The following THSD7B variants were observed in gnomAD, a reference collection of about 807,000 sequenced individuals.
THSD7B encodes the protein thrombospondin type 1 domain containing 7B, also known as thrombospondin type-1 domain-containing protein 7B.
In THSD7B, 138 loss-of-function variants were observed where a neutral mutation model predicts 213.6. That is an observed-to-expected ratio of 0.65 (90% CI 0.56 to 0.74). The LOEUF (loss-of-function observed/expected upper bound fraction) is 0.74, where lower values mean the gene tolerates loss of function less well. Among genes scored for constraint, THSD7B ranks in the 30% least tolerant of loss-of-function variants. THSD7B has a pLI of 0.00. For synonymous variants in THSD7B, 742 were observed against 687.0 expected (o/e 1.08, Z -1.25); for missense variants, 1,931 against 1,991.5 (o/e 0.97, Z 0.58).
chr2:136,872,235 C>T (rs187234531), intron 1 of THSD7B, among the ~76,000 whole-genome samples: 73 of 152,246 alleles, frequency 4.8e-4, no homozygotes, highest in Admixed American at 9.8e-4. Context: ...GTGATGGTGT[C>T]TGAGCCTCAG....
intron 1 of THSD7B, among the ~76,000 whole-genome samples, chr2:136,876,521 A>C (rs1342191721): frequency 6.6e-6 from 1 of 152,222 alleles, no homozygotes. Flanking sequence ...GCCTGGCTTC[A>C]GTCCACCATT....
chr2:137,549,678 A>G (rs74348601), intron 15 of THSD7B, among the ~76,000 whole-genome samples: 17,475 of 150,672 alleles, frequency 0.12, 1,913 homozygotes, highest in African/African-American at 0.28. Flanking sequence ...TTGATTAGGA[A>G]CTCCTTATTT....
chr2:137,023,255 T>C (rs1423022824), intron 2 of THSD7B, among the ~76,000 whole-genome samples: 1 of 152,060 alleles, frequency 6.6e-6, no homozygotes, highest in Non-Finnish European at 1.5e-5. Context: ...GTTTTCTGAG[T>C]TCATCTGGAG....
At chr2:136,993,680 G>C (rs770862368) in intron 2 of THSD7B, among the ~76,000 whole-genome samples, 3 of 152,164 alleles carry the variant, frequency 2.0e-5, no homozygotes, top group Admixed American at 6.5e-5. Context: ...ATCTGTTCAC[G>C]TGAAAAACAA....
rs192907124 is a variant in THSD7B at position 137,399,163 on chromosome 2, T to C, written c.2501-6450T>C. Among the ~76,000 whole-genome samples the C allele has an allele frequency of 1.3e-3, 192 of 150,900 alleles. 1 individual carries two copies. Among genetic ancestry groups the C allele is most frequent in the African/African-American group, 4.3e-3 (178 of 41,194 alleles). On this transcript the variant is annotated intron_variant, in intron 12 of 27. Transcript: ENST00000409968. ...GCTGGGAGCTGTAGACTGGAGCTGT[T>C]CCTATTCGGCCATCTTGGCTCCTCC... is the stretch of plus-strand genomic sequence containing the variant.
At position 136,826,016 on chromosome 2, in the gene THSD7B, A is replaced by G. The variant is rs150932630; in HGVS notation, c.-35-56128A>G. On this transcript the variant is annotated intron_variant, in intron 1 of 27. Transcript: ENST00000409968. ...TCACAGGCCCTGGGGATTCGGATGT[A>G]GGCATCTTATGGGAGGGGCATTATT... is the stretch of plus-strand genomic sequence containing the variant. Among the ~76,000 whole-genome samples the G allele has an allele frequency of 7.5e-3, 1,138 of 152,258 alleles. 23 individuals are homozygous for G. The highest frequency in any genetic ancestry group is 0.025 in the African/African-American group (1,058 of 41,552).
chr2:137,266,072 AT>A (rs539033643), intron 10 of THSD7B, among the ~76,000 whole-genome samples: 96 of 152,264 alleles, frequency 6.3e-4, no homozygotes, highest in African/African-American at 2.3e-3. Flanking sequence ...CTGGTTTGTC[AT>A]TTTTTTCTTT....
intron 9 of THSD7B, 31 bp from the exon 10 acceptor site, chr2:137,242,426 A>C (rs1681931990): frequency 1.3e-6 from 2 of 1,546,220 alleles, no homozygotes; most frequent in Middle Eastern, 1.7e-4. Flanking sequence ...TCTCTCAAAA[A>C]GGCATTGACA....
At chr2:137,560,284 C>T (rs1681082860) in intron 15 of THSD7B, among the ~76,000 whole-genome samples, 1 of 152,132 alleles carries the variant, frequency 6.6e-6, no homozygotes, top group Non-Finnish European at 1.5e-5. Context: ...CAGCACTACT[C>T]ACAATAGCAA....
rs115248577 is a variant in THSD7B at position 137,240,009 on chromosome 2, A to T, written c.2151-2448A>T. On this transcript the variant is annotated intron_variant, in intron 9 of 27. Coordinates refer to ENST00000409968, the MANE Select transcript of THSD7B (RefSeq NM_001316349.2). ...AAGGGACACTGATGCCATTCATGAG[A>T]GCTCCAACCTCATGATCTAATTATC... 4.3e-3 allele frequency among the ~76,000 whole-genome samples: 660 copies of T among 152,234 alleles called. 6 individuals are homozygous for T. The highest frequency in any genetic ancestry group is 0.015 in the African/African-American group (627 of 41,540).
At position 137,574,917 on chromosome 2, in the gene THSD7B, T is replaced by G. The variant is rs572284953; in HGVS notation, c.3423+2361T>G. Among the ~76,000 whole-genome samples, 12 of 152,258 alleles carry G rather than the reference T, an allele frequency of 7.9e-5. No individual in the cohort carries two copies. The South Asian group carries it at 2.5e-3, about 32-fold the overall frequency. On this transcript the variant is annotated intron_variant, in intron 17 of 27. Coordinates refer to ENST00000409968, the MANE Select transcript of THSD7B (RefSeq NM_001316349.2). ...TTAGAAAAAGGAAACAATTATTTTA[T>G]AAGTGTCCTGTAGAACATGAGCTGA... is the stretch of plus-strand genomic sequence containing the variant.
intron 15 of THSD7B, among the ~76,000 whole-genome samples, chr2:137,517,701 G>A (rs1680096862): frequency 6.6e-6 from 1 of 152,120 alleles, no homozygotes; most frequent in South Asian, 2.1e-4. Context: ...CTGCCACTTG[G>A]GCCATATGAC....
intron 2 of THSD7B, among the ~76,000 whole-genome samples, chr2:137,045,719 G>A (rs1686957274): frequency 6.6e-6 from 1 of 152,250 alleles, no homozygotes; most frequent in East Asian, 1.9e-4. Flanking sequence ...TCTCATTAGA[G>A]CTATACTTAA....
chr2:137,497,886 T>G (rs1412705871), intron 15 of THSD7B, among the ~76,000 whole-genome samples: 1 of 152,184 alleles, frequency 6.6e-6, no homozygotes, highest in African/African-American at 2.4e-5. Flanking sequence ...CTTGTTTCTT[T>G]TAAGGCTCAA....
At chr2:137,350,517 G>A (rs1684989729) in intron 12 of THSD7B, among the ~76,000 whole-genome samples, 1 of 151,814 alleles carries the variant, frequency 6.6e-6, no homozygotes, top group South Asian at 2.1e-4. Flanking sequence ...GGGGATCATG[G>A]AGGAGTTTAT....
Position 137,451,007 on chromosome 2 carries a change from T to G in THSD7B, c.3122T>G (p.Leu1041Arg), listed in dbSNP as rs1274548668. The G allele has an allele frequency of 6.3e-7, 1 of 1,598,974 alleles. No homozygotes were observed. Among genetic ancestry groups the G allele is most frequent in the Non-Finnish European group, 8.5e-7 (1 of 1,172,768 alleles). ...AATGGAGGACGACCATGTCCCAAACTGGATCTCAAGAATCAGGTAAAGTGC... is the reference window on the plus strand; with the variant it reads ...AATGGAGGACGACCATGTCCCAAACGGGATCTCAAGAATCAGGTAAAGTGC... Reference protein sequence around the residue: ...PYNGGRPCPKLDLKNQVHEAV... With the variant: ...PYNGGRPCPKRDLKNQVHEAV... The change falls in exon 15 of 28, where the codon CTG (leucine) becomes CGG (arginine). Residue 1041 changes from leucine (L) to arginine (R), a missense_variant. Leu to Arg is a moderately radical substitution (Grantham distance 102). Transcript: ENST00000409968.
At chr2:136,851,707 C>T (rs934663018) in intron 1 of THSD7B, among the ~76,000 whole-genome samples, 4 of 152,008 alleles carry the variant, frequency 2.6e-5, no homozygotes, top group Non-Finnish European at 5.9e-5. Context: ...TATAAGATGG[C>T]AAATAGAAAT....
intron 7 of THSD7B, among the ~76,000 whole-genome samples, chr2:137,179,614 A>G (rs1220764480): frequency 1.3e-5 from 2 of 151,676 alleles, no homozygotes; most frequent in African/African-American, 4.8e-5. Flanking sequence ...TACCCCATGC[A>G]AAATCAATAA....
In THSD7B at chr2:137,626,477, A is replaced by G. The variant is rs548514274; in HGVS notation, c.3799+5751A>G. On this transcript the variant is annotated intron_variant, in intron 20 of 27. Coordinates refer to ENST00000409968, the MANE Select transcript of THSD7B (RefSeq NM_001316349.2). ...AGACTCTGTCTCAAAAAAAAAAAAA[A>G]AAAGAAAAAGAAAAAGAAAATGCCT... Among the ~76,000 whole-genome samples the G allele has an allele frequency of 5.6e-5, 8 of 141,786 alleles. No individual in the cohort carries two copies. In the East Asian group the frequency reaches 9.9e-4, roughly 18 times the overall value. 93.0% of individuals were successfully genotyped at this position (141,786 alleles called of 152,430 possible). A position where few individuals can be genotyped will look rare whatever the true frequency, so the allele number is the denominator to read the frequency against.
Sources: allele counts gnomAD v4.1 joint callset (sites outside exome capture counted in the v4.1 genomes callset), GRCh38; gene constraint gnomAD v4.1.1; transcripts MANE v1.5; gene names NCBI Gene and HGNC (gene_info 2026-07-23, HGNC 2026-07-21).